Variants in MEGF8 observed in about 807,000 individuals in gnomAD.
MEGF8 encodes the protein multiple epidermal growth factor-like domains protein 8.
Under a neutral mutation model 302.9 loss-of-function variants are expected in MEGF8, and 156 were observed. The observed-to-expected ratio is 0.52, with a 90% confidence interval of 0.45 to 0.59. The LOEUF (loss-of-function observed/expected upper bound fraction) is 0.59, where lower values mean the gene tolerates loss of function less well. MEGF8 is among the 20% of genes least tolerant of loss of function. MEGF8 has a pLI of 0.00. For missense variants in MEGF8, 3,345 were observed against 3,964.5 expected (o/e 0.84, Z 4.20); for synonymous variants, 1,621 against 1,660.5 (o/e 0.98, Z 0.58).
chr19:42,344,158 CT>C lies in MEGF8; in HGVS notation c.1788+88del. On this transcript the variant is annotated intron_variant, in intron 10 of 41. Coordinates refer to ENST00000251268, the MANE Select transcript of MEGF8 (RefSeq NM_001271938.2). The surrounding 1 kb of genome is among the most constrained non-coding windows in gnomAD (Gnocchi z 4.5). ...CTCTGCCTAACCAGATGGACAAGAACTTTCCCTCAACTGGGAGACTTGTTTT... is the reference window on the plus strand; with the variant it reads ...CTCTGCCTAACCAGATGGACAAGAACTTCCCTCAACTGGGAGACTTGTTTT... 4 of 1,501,016 alleles carry C rather than the reference CT, an allele frequency of 2.7e-6. No individual in the cohort carries two copies. Among genetic ancestry groups the C allele is most frequent in the Non-Finnish European group, 3.6e-6 (4 of 1,120,698 alleles). The allele number at this position is 1,501,016 out of a possible 1,614,324, so 93.0% of individuals were successfully genotyped here.
Position 42,336,028 on chromosome 19 carries a change from C to A in MEGF8, c.926C>A (p.Ala309Asp). The change falls in exon 6 of 42, where the codon GCC becomes GAC. Residue 309 changes from alanine (A) to aspartate (D), a missense_variant. Transcript: ENST00000251268. The surrounding 1 kb of genome is among the most constrained non-coding windows in gnomAD (Gnocchi z 4.8). ...GGCTCGCTCACCAACGACGTGTGGGCCTTCAGTCCACTGGGCAGGGGCCAC... is the reference window on the plus strand; with the variant it reads ...GGCTCGCTCACCAACGACGTGTGGGACTTCAGTCCACTGGGCAGGGGCCAC... ...ADGSLTNDVW[A>D]FSPLGRGHWE... 1 of 1,565,436 alleles carries A rather than the reference C, an allele frequency of 6.4e-7. No individual in the cohort carries two copies.
intron 40 of MEGF8, 109 bp downstream of exon 40, chr19:42,370,940 C>A: frequency 1.7e-6 from 1 of 582,626 alleles, no homozygotes; most frequent in Non-Finnish European, 3.1e-6. Context: ...AGTCCTCCAC[C>A]CCCAGTCAGG....
At position 42,358,758 on chromosome 19, in the gene MEGF8, C is replaced by A; in HGVS notation, c.5176-29C>A. ...TAGAAGCAAGAGACTCGAGGAGCCT[C>A]AACCCCAGGACGCCCCCACTGTCAC... is the stretch of plus-strand genomic sequence containing the variant. On this transcript the variant is annotated intron_variant, in intron 29 of 41. Coordinates refer to ENST00000251268, the MANE Select transcript of MEGF8 (RefSeq NM_001271938.2). This position sits in a 1 kb window ranked among gnomAD's most constrained non-coding sequence, Gnocchi z 4.4. The A allele has an allele frequency of 6.7e-7, 1 of 1,493,304 alleles. No homozygotes were observed. The highest frequency in any genetic ancestry group is 2.4e-5 in the East Asian group (1 of 42,182). 92.5% of individuals were successfully genotyped at this position (1,493,304 alleles called of 1,614,324 possible).
Position 42,352,922 on chromosome 19 carries a change from C to G in MEGF8, c.3351-6C>G. On this transcript the variant is annotated splice_polypyrimidine_tract_variant and splice_region_variant and intron_variant, in intron 19 of 41. Coordinates refer to ENST00000251268, the MANE Select transcript of MEGF8 (RefSeq NM_001271938.2). This position sits in a 1 kb window ranked among gnomAD's most constrained non-coding sequence, Gnocchi z 4.4. ...CGCTTTCCCCACCCCCAACACGGCC[C>G]CTCAGGTGCTTGGAGGACTGTGGCC... 1 of 1,586,036 alleles carries G rather than the reference C, an allele frequency of 6.3e-7. No homozygotes were observed. The highest frequency in any genetic ancestry group is 8.6e-7 in the Non-Finnish European group (1 of 1,166,814).
chr19:42,369,548 G>A lies in MEGF8; in HGVS notation c.6659G>A (p.Arg2220His), dbSNP rs370288131. 3.1e-6 allele frequency: 5 copies of A among 1,609,260 alleles called. No homozygotes were observed. In the Admixed American group the frequency reaches 5.0e-5, roughly 16 times the overall value. Residue 2220 changes from arginine to histidine, a missense_variant, in exon 38 of 42, where the codon CGC becomes CAC. Transcript: ENST00000251268. This position sits in a 1 kb window ranked among gnomAD's most constrained non-coding sequence, Gnocchi z 5.7. ...CCCTGCAGCATGACAGGGCTGTGCC[G>A]CCCTGTGTGCGCCCAGGGCTGCGTG... ...YTMDNMTGLC[R>H]PVCAQGCVNG...
In MEGF8 at chr19:42,369,730, C is replaced by A; in HGVS notation, c.6834+7C>A. 2 of 1,594,974 alleles carry A rather than the reference C, an allele frequency of 1.3e-6. No homozygotes were observed. Among genetic ancestry groups the A allele is most frequent in the South Asian group, 1.1e-5 (1 of 89,222 alleles). ...CTGCCGCAACCACACCAAGGTGGGCCGCCCGGAGCCTCAGACCCCCGACCC... is the reference window on the plus strand; with the variant it reads ...CTGCCGCAACCACACCAAGGTGGGCAGCCCGGAGCCTCAGACCCCCGACCC... On this transcript the variant is annotated splice_region_variant and intron_variant, in intron 38 of 41. Transcript: ENST00000251268. This position sits in a 1 kb window ranked among gnomAD's most constrained non-coding sequence, Gnocchi z 5.7.
In MEGF8 at chr19:42,354,356, GT is replaced by G. The variant is rs1401563650; in HGVS notation, c.4012-230del. ...TGGTACTGACTGCCAGGAGCTGCATGTTGAGAAAGGGGCTCAATGCAAGAGT... is the reference window on the plus strand; with the variant it reads ...TGGTACTGACTGCCAGGAGCTGCATGTGAGAAAGGGGCTCAATGCAAGAGT... On this transcript the variant is annotated intron_variant, in intron 22 of 41. Transcript: ENST00000251268. This position sits in a 1 kb window ranked among gnomAD's most constrained non-coding sequence, Gnocchi z 4.3. 1.3e-5 allele frequency among the ~76,000 whole-genome samples: 2 copies of G among 152,068 alleles called. No homozygotes were observed. Among genetic ancestry groups the G allele is most frequent in the Non-Finnish European group, 2.9e-5 (2 of 68,024 alleles).
rs1255285812 is a variant in MEGF8 at position 42,377,249 on chromosome 19, G to A, written c.*474G>A. The A allele has an allele frequency of 1.3e-5, 2 of 155,798 alleles. No homozygotes were observed. Among genetic ancestry groups the A allele is most frequent in the Non-Finnish European group, 2.8e-5 (2 of 70,486 alleles). The allele number at this position is 155,798 out of a possible 1,614,324, so 9.7% of individuals were successfully genotyped here. A position where few individuals can be genotyped will look rare whatever the true frequency, so the allele number is the denominator to read the frequency against. ...AACGCCTGAGAAGAACCAGCTACGG[G>A]AAGAGCTTTGGGAAGCAAAGGCAGA... On this transcript the variant is annotated 3_prime_UTR_variant, in exon 42 of 42. Coordinates refer to ENST00000251268, the MANE Select transcript of MEGF8 (RefSeq NM_001271938.2).
intron 23 of MEGF8, among the ~76,000 whole-genome samples, chr19:42,355,237 A>G (rs2039433744): frequency 6.6e-6 from 1 of 152,074 alleles, no homozygotes; most frequent in Admixed American, 6.6e-5. Flanking sequence ...GATTACAGAC[A>G]TAAGCTGCTG....
chr19:42,374,476 A>C (rs998752100), intron 41 of MEGF8, among the ~76,000 whole-genome samples: 2 of 151,242 alleles, frequency 1.3e-5, no homozygotes, highest in African/African-American at 4.9e-5. Context: ...GTCTCAAAAA[A>C]AAAAAAAAAA....
In MEGF8 at chr19:42,354,907, C is replaced by T. The variant is rs1217753431; in HGVS notation, c.4144+187C>T. ...AAATAGGATTGCGCCGGCTGAGCTACGTCTGCAGAGAGAAGGGCTGAATGA... is the reference window on the plus strand; with the variant it reads ...AAATAGGATTGCGCCGGCTGAGCTATGTCTGCAGAGAGAAGGGCTGAATGA... On this transcript the variant is annotated intron_variant, in intron 23 of 41. Coordinates refer to ENST00000251268, the MANE Select transcript of MEGF8 (RefSeq NM_001271938.2). This position sits in a 1 kb window ranked among gnomAD's most constrained non-coding sequence, Gnocchi z 4.3. Among the ~76,000 whole-genome samples the T allele has an allele frequency of 1.3e-5, 2 of 152,126 alleles. No homozygotes were observed. Among genetic ancestry groups the T allele is most frequent in the South Asian group, 2.1e-4 (1 of 4,826 alleles).
At position 42,353,274 on chromosome 19, in the gene MEGF8, G is replaced by A; in HGVS notation, c.3550+147G>A. The A allele has an allele frequency of 9.7e-7, 1 of 1,033,292 alleles. No homozygotes were observed. Among genetic ancestry groups the A allele is most frequent in the African/African-American group, 1.6e-5 (1 of 61,802 alleles). The allele number at this position is 1,033,292 out of a possible 1,614,324, so 64.0% of individuals were successfully genotyped here. On this transcript the variant is annotated intron_variant, in intron 20 of 41. Coordinates refer to ENST00000251268, the MANE Select transcript of MEGF8 (RefSeq NM_001271938.2). The surrounding 1 kb of genome is among the most constrained non-coding windows in gnomAD (Gnocchi z 6.1). ...CCCATTCCTGTTCCTGACTCAAACAGGTTTCAGTGCCACCCGTCACTCTGG... is the reference window on the plus strand; with the variant it reads ...CCCATTCCTGTTCCTGACTCAAACAAGTTTCAGTGCCACCCGTCACTCTGG...
Position 42,368,349 on chromosome 19 carries a change from G to A in MEGF8, c.6274-106G>A, listed in dbSNP as rs2039636316. ...TCTACCTGTGGCCAGGGAGGGGTGA[G>A]ACCTCAAAGAGGGTGTGGTCTGGGA... On this transcript the variant is annotated intron_variant, in intron 35 of 41. Transcript: ENST00000251268. The surrounding 1 kb of genome is among the most constrained non-coding windows in gnomAD (Gnocchi z 4.9). The A allele has an allele frequency of 2.0e-6, 2 of 990,776 alleles. No individual in the cohort carries two copies. The highest frequency in any genetic ancestry group is 2.7e-5 in the East Asian group (1 of 36,892). 61.4% of individuals were successfully genotyped at this position (990,776 alleles called of 1,614,324 possible). A position where few individuals can be genotyped will look rare whatever the true frequency, so the allele number is the denominator to read the frequency against.
At chr19:42,340,898 C>G (rs2039202418) in intron 8 of MEGF8, among the ~76,000 whole-genome samples, 1 of 150,022 alleles carries the variant, frequency 6.7e-6, no homozygotes, top group Non-Finnish European at 1.5e-5. Flanking sequence ...GAAGTCCTGA[C>G]CTTAAGTAAT....
rs1379973702 is a variant in MEGF8 at position 42,357,383 on chromosome 19, C to A, written c.4831-21C>A. On this transcript the variant is annotated intron_variant, in intron 27 of 41. Coordinates refer to ENST00000251268, the MANE Select transcript of MEGF8 (RefSeq NM_001271938.2). The surrounding 1 kb of genome is among the most constrained non-coding windows in gnomAD (Gnocchi z 5.2). ...CCCTGACCTCTAGCCCCATCGGTGA[C>A]CTTGCCCCTCCATCCCTCAGGCCCC... 6.2e-7 allele frequency: 1 copy of A among 1,609,860 alleles called. No individual in the cohort carries two copies. Among genetic ancestry groups the A allele is most frequent in the Admixed American group, 1.7e-5 (1 of 59,898 alleles).
Position 42,351,386 on chromosome 19 carries a change from G to C in MEGF8, c.2856-43G>C. ...GGTGGGTGGATGTGCCTGGGGATGT[G>C]TGCTGGCTGTGGAGTGACCTGGCCC... On this transcript the variant is annotated intron_variant, in intron 16 of 41. Coordinates refer to ENST00000251268, the MANE Select transcript of MEGF8 (RefSeq NM_001271938.2). This position sits in a 1 kb window ranked among gnomAD's most constrained non-coding sequence, Gnocchi z 5.6. 6.4e-7 allele frequency: 1 copy of C among 1,574,522 alleles called. No homozygotes were observed. Among genetic ancestry groups the C allele is most frequent in the Non-Finnish European group, 8.6e-7 (1 of 1,160,208 alleles).
intron 12 of MEGF8, among the ~76,000 whole-genome samples, chr19:42,346,900 G>A (rs1600037870): frequency 1.3e-5 from 2 of 150,300 alleles, no homozygotes; most frequent in Non-Finnish European, 2.9e-5. Context: ...CAGGAGAATG[G>A]CGTGAACCCG....
chr19:42,350,200 A>G lies in MEGF8; in HGVS notation c.2552A>G (p.Tyr851Cys), dbSNP rs1249769083. ...EPYRSSSCTS[Y>C]SSCLGCLADQ... ...TACCGCTCGTCGTCCTGCACCTCCT[A>G]TTCTTCCTGCCTGGGCTGCTTGGCA... The change falls in exon 15 of 42, where the codon TAT (tyrosine) becomes TGT (cysteine). Residue 851 changes from tyrosine (Y) to cysteine (C), a missense_variant. Tyr to Cys is a radical substitution (Grantham distance 194, BLOSUM62 -2). Coordinates refer to ENST00000251268, the MANE Select transcript of MEGF8 (RefSeq NM_001271938.2). The G allele has an allele frequency of 1.9e-6, 3 of 1,613,458 alleles. No homozygotes were observed. The highest frequency in any genetic ancestry group is 2.5e-6 in the Non-Finnish European group (3 of 1,179,748).
At position 42,352,587 on chromosome 19, in the gene MEGF8, C is replaced by T. The variant is rs2039392440; in HGVS notation, c.3350+131C>T. 1.7e-6 allele frequency: 2 copies of T among 1,198,538 alleles called. No homozygotes were observed. 74.2% of individuals were successfully genotyped at this position (1,198,538 alleles called of 1,614,324 possible). A position where few individuals can be genotyped will look rare whatever the true frequency, so the allele number is the denominator to read the frequency against. On this transcript the variant is annotated intron_variant, in intron 19 of 41. Transcript: ENST00000251268. The surrounding 1 kb of genome is among the most constrained non-coding windows in gnomAD (Gnocchi z 4.4). ...ATCCCCAGTTAGCCAGGGGTTTTTA[C>T]CTTGCACACTAGGTCCTTATTAGAG...
Sources: allele counts gnomAD v4.1 joint callset (sites outside exome capture counted in the v4.1 genomes callset), GRCh38; gene constraint gnomAD v4.1.1; non-coding constraint Gnocchi (gnomAD v3.1); transcripts MANE v1.5; gene names NCBI Gene and HGNC (gene_info 2026-07-23, HGNC 2026-07-21).